Variants in SHISA9 observed in about 807,000 individuals in gnomAD.
SHISA9 encodes the protein shisa family member 9.
A neutral mutation model predicts 38.0 loss-of-function variants in SHISA9; 13 were observed. The ratio of observed to expected loss-of-function variants is 0.34; its 90% CI spans 0.22 to 0.54. The LOEUF (loss-of-function observed/expected upper bound fraction) is 0.54, where lower values mean the gene tolerates loss of function less well. SHISA9 is among the 20% of genes least tolerant of loss of function. SHISA9 has a pLI of 0.91. For missense variants in SHISA9, 538 were observed against 575.8 expected (o/e 0.93, Z 0.67); for synonymous variants, 275 against 242.0 (o/e 1.14, Z -1.27).
chr16:13,386,092 A>T, the SHISA9 span, among the ~76,000 whole-genome samples: 1 of 152,222 alleles, frequency 6.6e-6, no homozygotes, highest in African/African-American at 2.4e-5. Flanking sequence ...GAACCTACAC[A>T]TAATAAAAGT....
rs1051853706 is a variant in SHISA9 at position 13,106,373 on chromosome 16, C to A, written c.692-97021C>A. Among the ~76,000 whole-genome samples the A allele has an allele frequency of 9.2e-5, 14 of 152,264 alleles. No homozygotes were observed. The Middle Eastern group carries it at 0.01, about 111-fold the overall frequency. On this transcript the variant is annotated intron_variant, in intron 2 of 4. Coordinates refer to ENST00000558583, the MANE Select transcript of SHISA9 (RefSeq NM_001145204.3). The stretch of plus-strand genomic sequence containing the variant: ...TTCCTGCATCAGAGTCCACCTCCAC[C>A]ACTTACTAGCTCTGTGGCTTTGGGT...
At chr16:13,143,534 A>G (rs1034799694) in intron 2 of SHISA9, among the ~76,000 whole-genome samples, 3 of 152,196 alleles carry the variant, frequency 2.0e-5, no homozygotes, top group Non-Finnish European at 4.4e-5. Flanking sequence ...TGATCTGGTC[A>G]CCATTTCCCT....
the SHISA9 span, among the ~76,000 whole-genome samples, chr16:13,355,202 G>A: frequency 2.0e-5 from 3 of 149,236 alleles, no homozygotes; most frequent in Admixed American, 6.7e-5. Flanking sequence ...TTTAGGACAG[G>A]TAAAATGGGG....
At chr16:13,037,105 C>G (rs557169230) in intron 2 of SHISA9, among the ~76,000 whole-genome samples, 7,649 of 66,842 alleles carry the variant, frequency 0.11, 482 homozygotes, top group African/African-American at 0.27. Context: ...CACACACACA[C>G]ACAGACACAC....
At chr16:13,419,348 G>A in the SHISA9 span, among the ~76,000 whole-genome samples, 1 of 152,218 alleles carries the variant, frequency 6.6e-6, no homozygotes, top group Non-Finnish European at 1.5e-5. Flanking sequence ...CTGTGCTTTG[G>A]AAGGTGGTGC....
At chr16:13,482,801 T>TAA in the SHISA9 span, among the ~76,000 whole-genome samples, 51,365 of 111,452 alleles carry the variant, frequency 0.46, 12,234 homozygotes, top group Middle Eastern at 0.59. Context: ...ATCCTGTCAC[T>TAA]AAAAAAAAAA....
At chr16:13,374,473 T>A in the SHISA9 span, among the ~76,000 whole-genome samples, 1 of 152,228 alleles carries the variant, frequency 6.6e-6, no homozygotes, top group Non-Finnish European at 1.5e-5. Flanking sequence ...GCTTCATCCA[T>A]GTCCCTACAA....
chr16:13,227,403 T>C (rs1033887308), intron 4 of SHISA9, among the ~76,000 whole-genome samples: 6 of 152,214 alleles, frequency 3.9e-5, no homozygotes, highest in Admixed American at 6.5e-5. Context: ...ACAGTTGTGC[T>C]GCAAGAGAAG....
intron 2 of SHISA9, among the ~76,000 whole-genome samples, chr16:13,160,698 C>T (rs2050587775): frequency 6.6e-6 from 1 of 152,196 alleles, no homozygotes; most frequent in African/African-American, 2.4e-5. Flanking sequence ...TAACACCCCC[C>T]AGGGGCTTAG....
chr16:13,192,220 C>T (rs1567241860), intron 2 of SHISA9, among the ~76,000 whole-genome samples: 1 of 151,958 alleles, frequency 6.6e-6, no homozygotes, highest in Non-Finnish European at 1.5e-5. Flanking sequence ...CTAGGGACTG[C>T]AAAAGGGAGG....
chr16:13,081,851 C>CAA (rs35913412), intron 2 of SHISA9, among the ~76,000 whole-genome samples: 1,787 of 85,998 alleles, frequency 0.021, 41 homozygotes, highest in African/African-American at 0.063. Context: ...GACTCCATCT[C>CAA]AAAAAAAAAA....
At chr16:13,064,010 G>A (rs565513661) in intron 2 of SHISA9, among the ~76,000 whole-genome samples, 8 of 152,258 alleles carry the variant, frequency 5.3e-5, no homozygotes, top group East Asian at 3.9e-4. Context: ...CCAGAGGCCC[G>A]TGGCTCTTCT....
the SHISA9 span, among the ~76,000 whole-genome samples, chr16:13,307,169 A>G: frequency 1.3e-5 from 2 of 152,242 alleles, no homozygotes; most frequent in African/African-American, 2.4e-5. Flanking sequence ...GTATCTATCA[A>G]ATGAGAATAA....
At chr16:13,371,418 T>C in the SHISA9 span, among the ~76,000 whole-genome samples, 1 of 152,164 alleles carries the variant, frequency 6.6e-6, no homozygotes, top group Non-Finnish European at 1.5e-5. Flanking sequence ...ATCTCTATGC[T>C]TCATGATTCT....
intron 2 of SHISA9, among the ~76,000 whole-genome samples, chr16:13,049,614 G>T (rs2073227866): frequency 2.0e-5 from 3 of 152,148 alleles, no homozygotes; most frequent in Non-Finnish European, 4.4e-5. Context: ...GCTCTTGACA[G>T]CATGATTTTT....
chr16:13,316,788 A>G, the SHISA9 span, among the ~76,000 whole-genome samples: 1 of 152,230 alleles, frequency 6.6e-6, no homozygotes, highest in Non-Finnish European at 1.5e-5. Flanking sequence ...CAAAGCAGGC[A>G]TAAATATACA....
the SHISA9 span, among the ~76,000 whole-genome samples, chr16:13,341,864 C>G: frequency 1.3e-5 from 2 of 152,302 alleles, no homozygotes; most frequent in East Asian, 3.9e-4. Context: ...GTCTGCATGT[C>G]TCCTCTGGAT....
At chr16:13,449,005 A>C in the SHISA9 span, among the ~76,000 whole-genome samples, 1 of 152,228 alleles carries the variant, frequency 6.6e-6, no homozygotes, top group Non-Finnish European at 1.5e-5. Context: ...CTTTATGAAA[A>C]AGGTGGTCAT....
the SHISA9 span, among the ~76,000 whole-genome samples, chr16:13,406,146 T>C: frequency 6.6e-6 from 1 of 152,310 alleles, no homozygotes; most frequent in African/African-American, 2.4e-5. Context: ...CTTGACTTTT[T>C]GCAAAAATTC....
Sources: gnomAD v4.1 joint callset for allele counts (sites outside exome capture counted in the v4.1 genomes callset) on GRCh38, gnomAD v4.1.1 for gene constraint, MANE v1.5 for transcripts, NCBI Gene and HGNC (gene_info 2026-07-23, HGNC 2026-07-21) for gene names.